Variants in PSAT1 observed in about 807,000 individuals in gnomAD.
PSAT1 encodes the protein phosphoserine aminotransferase.
Under a neutral mutation model 40.3 loss-of-function variants are expected in PSAT1, and 41 were observed. The observed-to-expected ratio is 1.02, with a 90% CI of 0.79 to 1.32. The LOEUF is 1.32. Ranked by LOEUF, PSAT1 falls within the 40% of genes most tolerant of loss-of-function variation. The pLI, the probability that PSAT1 is intolerant of heterozygous loss-of-function variation, is 0.00. For missense variants in PSAT1, 406 were observed against 455.8 expected (o/e 0.89, Z 0.99); for synonymous variants, 147 against 170.5 (o/e 0.86, Z 1.07).
chr9:78,318,917 C>G (rs1327822007), intron 7 of PSAT1, among the ~76,000 whole-genome samples: 1 of 152,186 alleles, frequency 6.6e-6, no homozygotes, highest in African/African-American at 2.4e-5. Context: ...AGAAGTGTAA[C>G]AGGTGGTATC....
intron 7 of PSAT1, among the ~76,000 whole-genome samples, chr9:78,326,157 A>T (rs530914722): frequency 1.3e-5 from 2 of 152,086 alleles, no homozygotes; most frequent in Non-Finnish European, 2.9e-5. Flanking sequence ...GCTGTGTACT[A>T]GACTCTCATT....
rs140897665 is a variant in PSAT1 at position 78,304,913 on chromosome 9, G to A, written c.370G>A (p.Val124Ile). The A allele has an allele frequency of 1.0e-4, 166 of 1,612,790 alleles. No homozygotes were observed. The highest frequency in any genetic ancestry group is 2.5e-4 in the East Asian group (11 of 44,876). The change falls in exon 4 of 9, where the codon GTT becomes ATT. Residue 124 changes from valine to isoleucine, a missense_variant. By Grantham distance (29) the Val-to-Ile change is conservative. Transcript: ENST00000376588. ...EAKKFGTINI[V>I]HPKLGSYTKI... ...CAAGAAGTTTGGGACTATAAATATC[G>A]TTCACCCTAAACTTGGGAGTTATAC...
In PSAT1 at chr9:78,304,855, A is replaced by G. The variant is rs891214862; in HGVS notation, c.312A>G (p.Thr104=). ...GAAGGTGTGCTGACTATGTGGTGAC[A>G]GGAGCTTGGTCAGCTAAGGCCGCAG... is the stretch of plus-strand genomic sequence containing the variant. ...KAGRCADYVV[T]GAWSAKAAEE... Residue 104 remains threonine (T), a synonymous_variant, in exon 4 of 9, where the codon ACA becomes ACG. Coordinates refer to ENST00000376588, the MANE Select transcript of PSAT1 (RefSeq NM_058179.4). The G allele has an allele frequency of 6.2e-7, 1 of 1,614,186 alleles. No homozygotes were observed. Among genetic ancestry groups the G allele is most frequent in the Non-Finnish European group, 8.5e-7 (1 of 1,180,046 alleles).
intron 5 of PSAT1, among the ~76,000 whole-genome samples, chr9:78,308,213 G>A (rs531343952): frequency 1.3e-5 from 2 of 152,324 alleles, no homozygotes; most frequent in East Asian, 1.9e-4. Flanking sequence ...GGACCAGGCT[G>A]ACGGATCATC....
At chr9:78,301,420 A>G (rs969783851) in intron 2 of PSAT1, among the ~76,000 whole-genome samples, 1 of 152,070 alleles carries the variant, frequency 6.6e-6, no homozygotes, top group African/African-American at 2.4e-5. Flanking sequence ...TTTCCCCTAT[A>G]TTTTTTGGGA....
At chr9:78,326,955 A>ATATATATATTTTTTTTTTT in intron 7 of PSAT1, among the ~76,000 whole-genome samples, 2 of 75,934 alleles carry the variant, frequency 2.6e-5, no homozygotes, top group African/African-American at 1.9e-4. Context: ...ATATATATAT[A>ATATATATATTTTTTTTTTT]TTTTTTTTTT....
At chr9:78,327,204 A>C (rs893317898) in intron 7 of PSAT1, among the ~76,000 whole-genome samples, 6 of 150,940 alleles carry the variant, frequency 4.0e-5, no homozygotes, top group Non-Finnish European at 8.8e-5. Context: ...CTCGTGATCC[A>C]CCTGCCTCGG....
At chr9:78,308,057 T>A (rs1427762418) in intron 5 of PSAT1, among the ~76,000 whole-genome samples, 1 of 152,022 alleles carries the variant, frequency 6.6e-6, no homozygotes, top group African/African-American at 2.4e-5. Flanking sequence ...AAAAAAATGT[T>A]TCTTCTCTTG....
At chr9:78,319,417 G>A (rs1244150246) in intron 7 of PSAT1, among the ~76,000 whole-genome samples, 1 of 152,142 alleles carries the variant, frequency 6.6e-6, no homozygotes, top group Non-Finnish European at 1.5e-5. Context: ...CCTTTCCCAG[G>A]CACCATCTCA....
chr9:78,304,298 A>C (rs1828148754), intron 3 of PSAT1, among the ~76,000 whole-genome samples: 1 of 152,120 alleles, frequency 6.6e-6, no homozygotes, highest in South Asian at 2.1e-4. Context: ...AGCTCCTACA[A>C]GTTTCTTCTT....
intron 7 of PSAT1, among the ~76,000 whole-genome samples, chr9:78,321,630 C>G (rs1419828357): frequency 4.6e-5 from 7 of 152,058 alleles, no homozygotes; most frequent in African/African-American, 1.7e-4. Context: ...CTGCCAGTGA[C>G]CTTGGCAGGG....
At chr9:78,311,957 C>G (rs531800109) in intron 6 of PSAT1, among the ~76,000 whole-genome samples, 1 of 152,252 alleles carries the variant, frequency 6.6e-6, no homozygotes, top group South Asian at 2.1e-4. Flanking sequence ...CCTCCCCAGT[C>G]CGTGATGTGA....
intron 1 of PSAT1, among the ~76,000 whole-genome samples, chr9:78,299,512 T>TC (rs1828076303): frequency 1.0e-5 from 1 of 99,572 alleles, no homozygotes; most frequent in South Asian, 3.4e-4. Flanking sequence ...TTTAATCTAA[T>TC]TCTTTTTTTT....
In PSAT1 at chr9:78,306,392, G is replaced by C; in HGVS notation, c.476G>C (p.Gly159Ala). The C allele has an allele frequency of 1.2e-6, 2 of 1,613,922 alleles. No individual in the cohort carries two copies. The highest frequency in any genetic ancestry group is 1.7e-6 in the Non-Finnish European group (2 of 1,180,040). Residue 159 changes from glycine (G) to alanine (A), a missense_variant, in exon 5 of 9, where the codon GGT (glycine) becomes GCT (alanine). Coordinates refer to ENST00000376588, the MANE Select transcript of PSAT1 (RefSeq NM_058179.4). ...TATTGCGCAAATGAGACGGTGCATG[G>C]TGTGGAGTTTGACTTTATACCCGAT... is the stretch of plus-strand genomic sequence containing the variant. The part of the protein sequence containing the change: ...VYYCANETVH[G>A]VEFDFIPDVK...
At chr9:78,306,670 C>T (rs1324155150) in intron 5 of PSAT1, among the ~76,000 whole-genome samples, 184 bp downstream of exon 5, 1 of 152,236 alleles carries the variant, frequency 6.6e-6, no homozygotes, top group African/African-American at 2.4e-5. Flanking sequence ...CTGAGTCCTG[C>T]TGTTCCCAGC....
chr9:78,327,057 G>C, intron 7 of PSAT1, among the ~76,000 whole-genome samples: 1 of 147,614 alleles, frequency 6.8e-6, no homozygotes. Context: ...CCGAGTTCAA[G>C]CAATTCTCCT....
intron 6 of PSAT1, among the ~76,000 whole-genome samples, chr9:78,316,325 A>G (rs1236682341): frequency 6.6e-6 from 1 of 152,200 alleles, no homozygotes; most frequent in African/African-American, 2.4e-5. Flanking sequence ...TCCTGGAACC[A>G]GGGACACAAA....
At chr9:78,328,607 A>AG (rs778258616) in intron 8 of PSAT1, among the ~76,000 whole-genome samples, 65,225 of 151,840 alleles carry the variant, frequency 0.43, 16,744 homozygotes, top group African/African-American at 0.71. Context: ...AGCAGCAGGG[A>AG]ATGTCCTCAC....
At chr9:78,322,308 A>G (rs907916369) in intron 7 of PSAT1, among the ~76,000 whole-genome samples, 4 of 152,160 alleles carry the variant, frequency 2.6e-5, no homozygotes, top group Admixed American at 1.3e-4. Flanking sequence ...GCAGAGTCCT[A>G]GGCACCTTAC....
Sources: allele counts gnomAD v4.1 joint callset (sites outside exome capture counted in the v4.1 genomes callset), GRCh38; gene constraint gnomAD v4.1.1; transcripts MANE v1.5; gene names NCBI Gene and HGNC (gene_info 2026-07-23, HGNC 2026-07-21).